MYH14: variants seen among roughly 807,000 people sequenced by gnomAD.
MYH14 encodes myosin-14.
In MYH14, 123 loss-of-function variants were observed where a neutral mutation model predicts 255.5. The observed-to-expected ratio is 0.48, with a 90% CI of 0.42 to 0.56. The LOEUF (loss-of-function observed/expected upper bound fraction) is 0.56, where lower values mean the gene tolerates loss of function less well. Among genes scored for constraint, MYH14 ranks in the 20% least tolerant of loss-of-function variants. The pLI is 0.00. For synonymous variants in MYH14, 1,095 were observed against 1,161.2 expected (o/e 0.94, Z 1.16); for missense variants, 2,423 against 2,802.3 (o/e 0.86, Z 3.06).
intron 27 of MYH14, among the ~76,000 whole-genome samples, chr19:50,274,615 C>G (rs907496227): frequency 6.6e-6 from 1 of 152,054 alleles, no homozygotes; most frequent in African/African-American, 2.4e-5. Flanking sequence ...TTTATCACCC[C>G]CAAAAGGAAA....
chr19:50,230,770 C>G lies in MYH14; in HGVS notation c.973+147C>G. On this transcript the variant is annotated intron_variant, in intron 9 of 42. Coordinates refer to ENST00000642316, the MANE Select transcript of MYH14 (RefSeq NM_001145809.2). The surrounding 1 kb of genome is among the most constrained non-coding windows in gnomAD (Gnocchi z 4.7). Reference sequence around the variant, plus strand: ...GCATGAGGCTCCCGCAGCCCCTGCTCTCGCTGCGTAGTGGCGTCTGTCGCA... The same window carrying G: ...GCATGAGGCTCCCGCAGCCCCTGCTGTCGCTGCGTAGTGGCGTCTGTCGCA... 1 of 663,690 alleles carries G rather than the reference C, an allele frequency of 1.5e-6. No individual in the cohort carries two copies. Among genetic ancestry groups the G allele is most frequent in the South Asian group, 1.8e-5 (1 of 55,640 alleles). The allele number at this position is 663,690 out of a possible 1,614,324, so 41.1% of individuals were successfully genotyped here.
At chr19:50,239,207 CG>C (rs1280636362) in intron 10 of MYH14, among the ~76,000 whole-genome samples, 6 of 152,054 alleles carry the variant, frequency 3.9e-5, no homozygotes. Flanking sequence ...TTAGCAGAGA[CG>C]GGGTTTCTCC....
intron 5 of MYH14, 122 bp from the exon 6 acceptor site, chr19:50,224,032 T>TGCCCCCCCCCCCCCCCCCC: frequency 1.6e-6 from 1 of 610,324 alleles, no homozygotes; most frequent in Non-Finnish European, 3.0e-6. Flanking sequence ...ATGCCCGGTT[T>TGCCCCCCCCCCCCCCCCCC]CCCCAGTCCC....
chr19:50,237,950 C>CCAT (rs3840922), intron 10 of MYH14, among the ~76,000 whole-genome samples: 13 of 151,726 alleles, frequency 8.6e-5, no homozygotes, highest in Non-Finnish European at 1.8e-4. Context: ...ATGGTGGAAA[C>CCAT]GTCTGACCCC....
chr19:50,271,673 G>C (rs1403648476), intron 25 of MYH14, 127 bp downstream of exon 25: 1 of 1,461,710 alleles, frequency 6.8e-7, no homozygotes, highest in Non-Finnish European at 9.3e-7. Context: ...GGGGTGGGAT[G>C]GGTCTATAGC....
intron 3 of MYH14, among the ~76,000 whole-genome samples, chr19:50,219,017 T>TTATA (rs1325748848): frequency 6.8e-6 from 1 of 148,044 alleles, no homozygotes. Flanking sequence ...TATATATTTT[T>TTATA]TATATATACA....
chr19:50,220,612 G>A (rs929009134), intron 3 of MYH14, among the ~76,000 whole-genome samples: 1 of 151,702 alleles, frequency 6.6e-6, no homozygotes, highest in Admixed American at 6.6e-5. Context: ...CTGGAGTGCA[G>A]TGGCATGACC....
chr19:50,237,745 G>A (rs781021635), intron 10 of MYH14, among the ~76,000 whole-genome samples: 4 of 152,208 alleles, frequency 2.6e-5, no homozygotes, highest in African/African-American at 9.6e-5. Context: ...ACCCAGCAAC[G>A]ATGGCTGGAG....
chr19:50,208,202 G>A (rs2031932515), intron 1 of MYH14, among the ~76,000 whole-genome samples: 1 of 152,168 alleles, frequency 6.6e-6, no homozygotes. Context: ...ATCACCTGAG[G>A]TTAGGAGTTT....
chr19:50,292,924 G>T (rs2036134736), intron 37 of MYH14, among the ~76,000 whole-genome samples: 3 of 151,608 alleles, frequency 2.0e-5, no homozygotes. Flanking sequence ...GGGGAGGAGA[G>T]CACTGGGGGT....
chr19:50,249,931 A>G (rs1289123057), intron 14 of MYH14, 108 bp downstream of exon 14: 1 of 1,399,158 alleles, frequency 7.1e-7, no homozygotes, highest in African/African-American at 1.4e-5. Flanking sequence ...AGGATGCCCC[A>G]TGGGTTCTGT....
At chr19:50,278,921 G>C (rs1201213650) in intron 30 of MYH14, among the ~76,000 whole-genome samples, 1 of 151,984 alleles carries the variant, frequency 6.6e-6, no homozygotes, top group Non-Finnish European at 1.5e-5. Flanking sequence ...CCGGGAGGCA[G>C]AGGTTGTGAT....
chr19:50,290,832 A>G lies in MYH14; in HGVS notation c.4966-55A>G, dbSNP rs554216954. 155 of 1,523,902 alleles carry G rather than the reference A, an allele frequency of 1.0e-4. No individual in the cohort carries two copies. In the African/African-American group the frequency reaches 1.9e-3, roughly 19 times the overall value. 94.4% of individuals were successfully genotyped at this position (1,523,902 alleles called of 1,614,324 possible). On this transcript the variant is annotated intron_variant, in intron 35 of 42. Coordinates refer to ENST00000642316, the MANE Select transcript of MYH14 (RefSeq NM_001145809.2). ...GCAGACATCCATGTCCCTAGCACAC[A>G]GAGGGAGGCTGGGCTTCCTGTGTCT...
Position 50,281,589 on chromosome 19 carries a change from C to T in MYH14, c.4291-5C>T. On this transcript the variant is annotated splice_polypyrimidine_tract_variant and splice_region_variant and intron_variant, in intron 32 of 42. Transcript: ENST00000642316. Reference sequence around the variant, plus strand: ...CACCAACCACCCTCTCTCTCCTCCCCTCAGCTTTCCGAGTGGCGGCGGCGC... The same window carrying T: ...CACCAACCACCCTCTCTCTCCTCCCTTCAGCTTTCCGAGTGGCGGCGGCGC... 6.3e-7 allele frequency: 1 copy of T among 1,580,750 alleles called. No individual in the cohort carries two copies. Among genetic ancestry groups the T allele is most frequent in the Non-Finnish European group, 8.6e-7 (1 of 1,163,598 alleles).
At chr19:50,227,094 C>T (rs1600888239) in intron 8 of MYH14, 128 bp downstream of exon 8, 7 of 446,546 alleles carry the variant, frequency 1.6e-5, no homozygotes, top group South Asian at 6.5e-5. Context: ...GATGCTCAGG[C>T]GGCATCTGCA....
chr19:50,283,717 G>A (rs1480050130), intron 33 of MYH14, among the ~76,000 whole-genome samples: 2 of 152,092 alleles, frequency 1.3e-5, no homozygotes, highest in South Asian at 2.1e-4. Context: ...TGAAGCTTCT[G>A]TTCAGATCTT....
intron 42 of MYH14, 114 bp downstream of exon 42, chr19:50,309,291 G>C (rs546472707): frequency 9.5e-7 from 1 of 1,055,676 alleles, no homozygotes; most frequent in Admixed American, 1.8e-5. Flanking sequence ...ATCCACGGGG[G>C]TGTGGGGCTG....
At position 50,230,407 on chromosome 19, in the gene MYH14, G is replaced by T; in HGVS notation, c.875-118G>T. On this transcript the variant is annotated intron_variant, in intron 8 of 42. Coordinates refer to ENST00000642316, the MANE Select transcript of MYH14 (RefSeq NM_001145809.2). This position sits in a 1 kb window ranked among gnomAD's most constrained non-coding sequence, Gnocchi z 4.7. ...GCAAAGTCACCAGCCTGGGCTGTGA[G>T]CGACTCCACTACACCACAGGAGAGA... 1 of 871,386 alleles carries T rather than the reference G, an allele frequency of 1.1e-6. No homozygotes were observed. The allele number at this position is 871,386 out of a possible 1,614,324, so 54.0% of individuals were successfully genotyped here. A position where few individuals can be genotyped will look rare whatever the true frequency, so the allele number is the denominator to read the frequency against.
chr19:50,270,646 A>G (rs1292482693), intron 24 of MYH14, among the ~76,000 whole-genome samples: 1 of 151,566 alleles, frequency 6.6e-6, no homozygotes, highest in African/African-American at 2.4e-5. Context: ...ACCCATTTCT[A>G]TAATTTGTGT....
Sources: gnomAD v4.1 joint callset for allele counts (sites outside exome capture counted in the v4.1 genomes callset) on GRCh38, gnomAD v4.1.1 for gene constraint, Gnocchi (gnomAD v3.1) non-coding constraint, MANE v1.5 for transcripts, NCBI Gene and HGNC (gene_info 2026-07-23, HGNC 2026-07-21) for gene names.